FER1L6: variants seen among roughly 807,000 people sequenced by gnomAD.
The protein encoded by FER1L6 is fer-1 like family member 6, also known as fer-1-like protein 6.
FER1L6 carries 177 observed loss-of-function variants against 219.2 expected under a neutral mutation model. The ratio of observed to expected loss-of-function variants is 0.81; its 90% CI spans 0.71 to 0.91. FER1L6 has a LOEUF of 0.91. FER1L6 is among the 40% of genes least tolerant of loss of function. The probability of loss-of-function intolerance (pLI) is 0.00; values close to 1 mark genes in which losing one functional copy is unlikely to be tolerated. For synonymous variants in FER1L6, 768 were observed against 824.3 expected, an observed-to-expected ratio of 0.93 and a Z score of 1.17; for missense variants, 2,153 against 2,259.9, an observed-to-expected ratio of 0.95 and a Z score of 0.96.
chr8:124,068,739 C>T (rs1820933904), intron 28 of FER1L6, among the ~76,000 whole-genome samples: 1 of 152,096 alleles, frequency 6.6e-6, no homozygotes, highest in Non-Finnish European at 1.5e-5. Context: ...TGAGTTCTTA[C>T]ATGTACTGTA....
chr8:124,078,472 G>A (rs1031840137), intron 32 of FER1L6, among the ~76,000 whole-genome samples: 2 of 152,134 alleles, frequency 1.3e-5, no homozygotes, highest in African/African-American at 4.8e-5. Flanking sequence ...TCCTTGCTAT[G>A]CCCTCACCAT....
intron 22 of FER1L6, among the ~76,000 whole-genome samples, chr8:124,051,523 C>T (rs1293082108): frequency 1.3e-5 from 2 of 152,116 alleles, no homozygotes; most frequent in Admixed American, 1.3e-4. Flanking sequence ...ATCTAAAGTG[C>T]CTGGCATGGA....
At chr8:124,073,591 G>C (rs1821165436) in intron 31 of FER1L6, among the ~76,000 whole-genome samples, 1 of 152,046 alleles carries the variant, frequency 6.6e-6, no homozygotes, top group Non-Finnish European at 1.5e-5. Context: ...TAGTTTACAA[G>C]ATAGGTTGGC....
chr8:123,880,267 C>A (rs1486721343), intron 1 of FER1L6, among the ~76,000 whole-genome samples: 1 of 152,142 alleles, frequency 6.6e-6, no homozygotes. Context: ...GACAGACCAA[C>A]CGAGCCTTCT....
intron 22 of FER1L6, 128 bp from the exon 23 acceptor site, chr8:124,060,052 T>A: frequency 1.4e-6 from 1 of 690,720 alleles, no homozygotes. Context: ...ATGGTCCTTG[T>A]ATTTTAAGCT....
Position 123,980,460 on chromosome 8 carries a change from T to C in FER1L6, c.1064-5T>C, listed in dbSNP as rs774991386. 17 of 1,603,722 alleles carry C rather than the reference T, an allele frequency of 1.1e-5. No homozygotes were observed. Among genetic ancestry groups the C allele is most frequent in the Non-Finnish European group, 1.4e-5 (17 of 1,175,346 alleles). On this transcript the variant is annotated splice_region_variant and splice_polypyrimidine_tract_variant and intron_variant, in intron 10 of 40. Transcript: ENST00000522917. Reference sequence around the variant, plus strand: ...TGAGATAACTAAAACCTGGGGTCTCTCTAGGCTTTCTGCCCACCTTTGGGC... The same window carrying C: ...TGAGATAACTAAAACCTGGGGTCTCCCTAGGCTTTCTGCCCACCTTTGGGC...
rs1820889107 is a variant in FER1L6, at chr8:124,067,809, A to T, written c.3718+3A>T. On this transcript the variant is annotated splice_donor_region_variant and intron_variant, in intron 28 of 40. Coordinates refer to ENST00000522917, the MANE Select transcript of FER1L6 (RefSeq NM_001039112.2). Reference sequence around the variant, plus strand: ...CAAGGGAAAAAAAGGCAATACAGGTAAGCAGTTATTCTGGGGACATTTGTC... The same window carrying T: ...CAAGGGAAAAAAAGGCAATACAGGTTAGCAGTTATTCTGGGGACATTTGTC... 1.2e-6 allele frequency: 2 copies of T among 1,611,896 alleles called. No homozygotes were observed. The highest frequency in any genetic ancestry group is 3.3e-5 in the Admixed American group (2 of 60,010).
rs1554608009 is a variant in FER1L6, at chr8:123,856,316, G to GTATATATATATATATA, written c.-8+4149_-8+4164dup. 1.2e-3 allele frequency among the ~76,000 whole-genome samples: 52 copies of GTATATATATATATATA among 45,084 alleles called. 1 individual carries two copies. Among genetic ancestry groups the GTATATATATATATATA allele is most frequent in the African/African-American group, 3.4e-3 (39 of 11,508 alleles). The allele number at this position is 45,084 out of a possible 152,430, so 29.6% of individuals were successfully genotyped here. On this transcript the variant is annotated intron_variant, in intron 1 of 40. Transcript: ENST00000522917. Reference sequence around the variant, plus strand: ...TGTATATATATATATATATGTATGTGTATATATATATATATATATATATAT... The same window carrying GTATATATATATATATA: ...TGTATATATATATATATATGTATGTGTATATATATATATATATATATATATATATATATATATATAT...
chr8:124,044,044 C>G (rs1362042792), intron 20 of FER1L6, among the ~76,000 whole-genome samples: 1 of 152,194 alleles, frequency 6.6e-6, no homozygotes, highest in Non-Finnish European at 1.5e-5. Context: ...ATGCTGGTCT[C>G]TGGAATCTTA....
At position 124,097,341 on chromosome 8, in the gene FER1L6, C is replaced by G; in HGVS notation, c.4766C>G (p.Ser1589Cys). Reference sequence around the variant, plus strand: ...CAACCTGGACCTCCTGTTGACATCTCTCCAAGGCGACCCAAAGGGTATGTC... The same window carrying G: ...CAACCTGGACCTCCTGTTGACATCTGTCCAAGGCGACCCAAAGGGTATGTC... ...MPQPGPPVDI[S>C]PRRPKGYELR... The change falls in exon 36 of 41, where the codon TCT becomes TGT. Residue 1589 changes from serine (S) to cysteine (C), a missense_variant. Physicochemically the swap from Ser to Cys is moderately radical, Grantham distance 112 (BLOSUM62 -1). Coordinates refer to ENST00000522917, the MANE Select transcript of FER1L6 (RefSeq NM_001039112.2). 1.2e-6 allele frequency: 2 copies of G among 1,612,884 alleles called. No homozygotes were observed. Among genetic ancestry groups the G allele is most frequent in the East Asian group, 4.5e-5 (2 of 44,816 alleles).
At chr8:124,059,279 C>T (rs1183617171) in intron 22 of FER1L6, among the ~76,000 whole-genome samples, 1 of 152,168 alleles carries the variant, frequency 6.6e-6, no homozygotes, top group Non-Finnish European at 1.5e-5. Flanking sequence ...ATCTGAGGCT[C>T]AGAGATGGAA....
At chr8:123,875,432 G>C (rs575569237) in intron 1 of FER1L6, among the ~76,000 whole-genome samples, 2 of 152,244 alleles carry the variant, frequency 1.3e-5, no homozygotes, top group Admixed American at 1.3e-4. Flanking sequence ...ACTTTAAAAA[G>C]TTGAGGCATT....
chr8:124,092,455 T>C (rs1822075374), intron 34 of FER1L6, among the ~76,000 whole-genome samples: 1 of 152,220 alleles, frequency 6.6e-6, no homozygotes, highest in South Asian at 2.1e-4. Context: ...ATAAATGTTA[T>C]ACCAATAACT....
At chr8:123,913,846 A>G (rs1053386443) in intron 1 of FER1L6, among the ~76,000 whole-genome samples, 2 of 152,190 alleles carry the variant, frequency 1.3e-5, no homozygotes, top group African/African-American at 4.8e-5. Flanking sequence ...CTTGAAAAAA[A>G]AAAAACTAAA....
rs1175780016 is a variant in FER1L6, at chr8:124,048,512, A to T, written c.2725-1095A>T. On this transcript the variant is annotated intron_variant, in intron 21 of 40. Coordinates refer to ENST00000522917, the MANE Select transcript of FER1L6 (RefSeq NM_001039112.2). ...AAGAGGCAGGAAGCAGAGCCATCGC[A>T]TCGCATACTTCTTATAGAAACATAT... 2.0e-5 allele frequency among the ~76,000 whole-genome samples: 3 copies of T among 152,192 alleles called. No homozygotes were observed. The East Asian group carries it at 5.8e-4, about 29-fold the overall frequency.
chr8:123,977,943 G>A (rs1417892194), intron 10 of FER1L6, among the ~76,000 whole-genome samples: 1 of 152,180 alleles, frequency 6.6e-6, no homozygotes, highest in Non-Finnish European at 1.5e-5. Flanking sequence ...CTTGCCTGCT[G>A]CTCATCTCTT....
At chr8:123,885,734 G>A (rs1817189152) in intron 1 of FER1L6, among the ~76,000 whole-genome samples, 1 of 152,156 alleles carries the variant, frequency 6.6e-6, no homozygotes, top group Non-Finnish European at 1.5e-5. Flanking sequence ...GCACAGCCAT[G>A]GAGAAAGCCT....
At position 123,936,141 on chromosome 8, in the gene FER1L6, G is replaced by C. The variant is rs116858170; in HGVS notation, c.-7-19851G>C. 4.8e-3 allele frequency among the ~76,000 whole-genome samples: 735 copies of C among 152,182 alleles called. 19 individuals carry two copies. In the East Asian group the frequency reaches 0.098, roughly 20 times the overall value. ...CCTCTCGGTCAGATGCATGTCCCCT[G>C]GGATCTGATGTTACTGTAGGAGGAA... On this transcript the variant is annotated intron_variant, in intron 1 of 40. Coordinates refer to ENST00000522917, the MANE Select transcript of FER1L6 (RefSeq NM_001039112.2).
intron 1 of FER1L6, among the ~76,000 whole-genome samples, chr8:123,857,552 T>C (rs1415072577): frequency 6.6e-6 from 1 of 152,194 alleles, no homozygotes; most frequent in South Asian, 2.1e-4. Flanking sequence ...TTTAACATCA[T>C]ATGCAGTTAA....
Sources: gnomAD v4.1 joint callset for allele counts (sites outside exome capture counted in the v4.1 genomes callset) on GRCh38, gnomAD v4.1.1 for gene constraint, MANE v1.5 for transcripts, NCBI Gene and HGNC (gene_info 2026-07-23, HGNC 2026-07-21) for gene names.